Variants in CDC42BPB observed in about 807,000 individuals in gnomAD.
CDC42BPB encodes serine/threonine-protein kinase MRCK beta.
CDC42BPB carries 37 observed loss-of-function variants against 214.9 expected under a neutral mutation model. The observed-to-expected ratio is 0.17, with a 90% CI of 0.13 to 0.23. The LOEUF (loss-of-function observed/expected upper bound fraction) is 0.23, where lower values mean the gene tolerates loss of function less well. Ranked by LOEUF, CDC42BPB falls within the 10% of genes least tolerant of loss-of-function variation. CDC42BPB has a pLI of 1.00. For synonymous variants in CDC42BPB, 931 were observed against 884.0 expected (o/e 1.05, Z -0.94); for missense variants, 1,694 against 2,227.0 (o/e 0.76, Z 4.82).
chr14:103,006,085 C>T (rs532641523), intron 3 of CDC42BPB, among the ~76,000 whole-genome samples: 3 of 151,838 alleles, frequency 2.0e-5, no homozygotes, highest in Admixed American at 6.5e-5. Flanking sequence ...ACATGACAAG[C>T]GGTCAACATT....
At chr14:102,965,553 CCA>C (rs1203385401) in intron 18 of CDC42BPB, among the ~76,000 whole-genome samples, 1 of 152,120 alleles carries the variant, frequency 6.6e-6, no homozygotes, top group Non-Finnish European at 1.5e-5. Context: ...TCAAAGAAGT[CCA>C]GAGATGCCAT....
intron 29 of CDC42BPB, 84 bp downstream of exon 29, chr14:102,945,578 C>G: frequency 7.9e-7 from 1 of 1,265,594 alleles, no homozygotes; most frequent in Non-Finnish European, 1.1e-6. Context: ...TGTCTTAACC[C>G]TTAGGAGCTA....
chr14:103,057,527 A>C lies in CDC42BPB; in HGVS notation c.-354T>G, dbSNP rs1466361684. ...AGCGGCGAGGAGCCTAGCGCTGCGC[A>C]AGCCCGGCCGGCGCCCGAGCCCGAC... On this transcript the variant is annotated 5_prime_UTR_variant, in exon 1 of 37. Transcript: ENST00000361246. 1 of 158,340 alleles carries C rather than the reference A, an allele frequency of 6.3e-6. No homozygotes were observed. Among genetic ancestry groups the C allele is most frequent in the Non-Finnish European group, 1.3e-5 (1 of 76,520 alleles). 9.8% of individuals were successfully genotyped at this position (158,340 alleles called of 1,614,324 possible).
intron 26 of CDC42BPB, 51 bp downstream of exon 26, chr14:102,949,714 G>C (rs1222725836): frequency 6.2e-7 from 1 of 1,608,450 alleles, no homozygotes; most frequent in African/African-American, 1.3e-5. Flanking sequence ...TTTGGCTAAA[G>C]ATAGCTGAGG....
intron 1 of CDC42BPB, among the ~76,000 whole-genome samples, chr14:103,032,386 A>C (rs1399294772): frequency 1.3e-5 from 2 of 152,124 alleles, no homozygotes; most frequent in Non-Finnish European, 2.9e-5. Context: ...TTGAACCCCC[A>C]AATAGTTTAT....
Position 102,968,312 on chromosome 14 carries a change from C to T in CDC42BPB, c.2287G>A (p.Glu763Lys), listed in dbSNP as rs1053399593. The T allele has an allele frequency of 3.7e-6, 6 of 1,613,820 alleles. No individual in the cohort carries two copies. The highest frequency in any genetic ancestry group is 1.3e-5 in the African/African-American group (1 of 74,868). The change falls in exon 16 of 37, where the codon GAA becomes AAA. Residue 763 changes from glutamate to lysine, a missense_variant. Glu to Lys is a moderately conservative substitution (Grantham distance 56). Coordinates refer to ENST00000361246, the MANE Select transcript of CDC42BPB (RefSeq NM_006035.4). ...EAVGTIKDKY[E>K]RERAMLFDEN... ...TCAAACAGCATCGCTCTTTCTCGTTCGTATTTATCTTTTATTGTACCTACT... is the reference window on the plus strand; with the variant it reads ...TCAAACAGCATCGCTCTTTCTCGTTTGTATTTATCTTTTATTGTACCTACT...
At chr14:103,035,395 T>C (rs1277027500) in intron 1 of CDC42BPB, among the ~76,000 whole-genome samples, 1 of 152,100 alleles carries the variant, frequency 6.6e-6, no homozygotes, top group African/African-American at 2.4e-5. Context: ...AATTTCACTC[T>C]CTAAAATATT....
intron 28 of CDC42BPB, 50 bp downstream of exon 28, chr14:102,946,418 G>C (rs753969364): frequency 8.1e-6 from 13 of 1,598,460 alleles, no homozygotes; most frequent in Admixed American, 3.4e-5. Flanking sequence ...CAGCGCCGCC[G>C]GAAGTGCTGT....
At chr14:102,960,484 T>C (rs529652018) in intron 20 of CDC42BPB, among the ~76,000 whole-genome samples, 1 of 152,216 alleles carries the variant, frequency 6.6e-6, no homozygotes, top group African/African-American at 2.4e-5. Context: ...TAGCTGTGCA[T>C]GGTGGCATGT....
At chr14:102,989,708 T>C (rs554484921) in intron 5 of CDC42BPB, among the ~76,000 whole-genome samples, 59 of 152,080 alleles carry the variant, frequency 3.9e-4, no homozygotes, top group African/African-American at 1.4e-3. Flanking sequence ...CCTGTCTTTA[T>C]TAAAAATACA....
rs969041946 is a variant in CDC42BPB at position 102,943,628 on chromosome 14, G to A, written c.4408+263C>T. On this transcript the variant is annotated intron_variant, in intron 30 of 36. Coordinates refer to ENST00000361246, the MANE Select transcript of CDC42BPB (RefSeq NM_006035.4). The surrounding 1 kb of genome is among the most constrained non-coding windows in gnomAD (Gnocchi z 4.6). ...TTCTGCCCAGGGGCCTATGCCCGCCGACGGGGTCCTCTGCTGAGGCCTCTG... is the reference window on the plus strand; with the variant it reads ...TTCTGCCCAGGGGCCTATGCCCGCCAACGGGGTCCTCTGCTGAGGCCTCTG... Among the ~76,000 whole-genome samples, 1 of 152,170 alleles carries A rather than the reference G, an allele frequency of 6.6e-6. No homozygotes were observed. Among genetic ancestry groups the A allele is most frequent in the South Asian group, 2.1e-4 (1 of 4,818 alleles).
chr14:102,945,712 A>G lies in CDC42BPB; in HGVS notation c.3761T>C (p.Ile1254Thr). 6.2e-7 allele frequency: 1 copy of G among 1,612,800 alleles called. No individual in the cohort carries two copies. Among genetic ancestry groups the G allele is most frequent in the Non-Finnish European group, 8.5e-7 (1 of 1,179,820 alleles). The part of the protein sequence containing the change: ...LTAAIVDADR[I>T]AVGLEEGLYV... The stretch of plus-strand genomic sequence containing the variant: ...GAGCCCTTCTTCTAGGCCGACTGCA[A>G]TCCTGTCTGCATCTGTGGAGGGGTA... Residue 1254 changes from isoleucine to threonine, a missense_variant, in exon 29 of 37, where the codon ATT (isoleucine) becomes ACT (threonine). This residue lies in a region of CDC42BPB where 567 missense variants were observed against 790.3 expected (regional missense o/e 0.72). Coordinates refer to ENST00000361246, the MANE Select transcript of CDC42BPB (RefSeq NM_006035.4).
At chr14:102,946,310 ACC>A (rs1892173728) in intron 28 of CDC42BPB, among the ~76,000 whole-genome samples, 156 bp downstream of exon 28, 1 of 152,030 alleles carries the variant, frequency 6.6e-6, no homozygotes, top group African/African-American at 2.4e-5. Context: ...GGCGTGAGCC[ACC>A]GCACCCGGCC....
chr14:102,950,886 A>G (rs1892459720), intron 24 of CDC42BPB: 1 of 160,558 alleles, frequency 6.2e-6, no homozygotes, highest in African/African-American at 2.4e-5. Flanking sequence ...GAATCGCTTG[A>G]GCCCGGGAGG....
At chr14:103,043,659 A>C (rs528170489) in intron 1 of CDC42BPB, among the ~76,000 whole-genome samples, 1 of 152,256 alleles carries the variant, frequency 6.6e-6, no homozygotes, top group African/African-American at 2.4e-5. Flanking sequence ...GCATGACTTG[A>C]ATCTCGATAA....
In CDC42BPB at chr14:102,944,491, T is replaced by G; in HGVS notation, c.3812-4A>C. 6.2e-7 allele frequency: 1 copy of G among 1,608,264 alleles called. No homozygotes were observed. Among genetic ancestry groups the G allele is most frequent in the Non-Finnish European group, 8.5e-7 (1 of 1,176,678 alleles). On this transcript the variant is annotated splice_region_variant and splice_polypyrimidine_tract_variant and intron_variant, in intron 29 of 36. Transcript: ENST00000361246. The surrounding 1 kb of genome is among the most constrained non-coding windows in gnomAD (Gnocchi z 6.6). ...CAGTCAGCGGCACGGACGATCACTG[T>G]GGCAAGGAGGACAAGAGCGTGAGGC...
chr14:103,039,582 C>T (rs1018966674), intron 1 of CDC42BPB, among the ~76,000 whole-genome samples: 19 of 152,228 alleles, frequency 1.2e-4, no homozygotes, highest in Middle Eastern at 3.4e-3. Context: ...CCTTTCACAT[C>T]AAAAACTTAA....
chr14:102,933,870 G>A lies in CDC42BPB; in HGVS notation c.5005-27C>T. ...TGTGAACAGGAAGAGGGCAGGGTGA[G>A]CACCCGCTGCCCTAGCCTGGGGAGG... On this transcript the variant is annotated intron_variant, in intron 36 of 36. Coordinates refer to ENST00000361246, the MANE Select transcript of CDC42BPB (RefSeq NM_006035.4). The A allele has an allele frequency of 2.0e-6, 3 of 1,492,788 alleles. No individual in the cohort carries two copies. The Admixed American group carries it at 8.6e-5, about 43-fold the overall frequency. 92.5% of individuals were successfully genotyped at this position (1,492,788 alleles called of 1,614,324 possible).
chr14:103,038,715 CG>C (rs34311134), intron 1 of CDC42BPB, among the ~76,000 whole-genome samples: 9,304 of 28,962 alleles, frequency 0.32, 1,124 homozygotes, highest in Middle Eastern at 0.47. Flanking sequence ...TTTGTAGAGA[CG>C]GGGGGGGGGG....
Sources: gnomAD v4.1 joint callset for allele counts (sites outside exome capture counted in the v4.1 genomes callset) on GRCh38, gnomAD v4.1.1 for gene constraint, gnomAD v4.1.1 regional missense constraint, Gnocchi (gnomAD v3.1) non-coding constraint, MANE v1.5 for transcripts, NCBI Gene and HGNC (gene_info 2026-07-23, HGNC 2026-07-21) for gene names.